Variants in VCAN observed in about 807,000 individuals in gnomAD.
VCAN encodes versican core protein.
A neutral mutation model predicts 245.5 loss-of-function variants in VCAN; 44 were observed. The ratio of observed to expected loss-of-function variants is 0.18; its 90% confidence interval spans 0.14 to 0.23. The LOEUF is 0.23. Among genes scored for constraint, VCAN ranks in the 10% least tolerant of loss-of-function variants. The pLI, the probability that VCAN is intolerant of heterozygous loss-of-function variation, is 1.00. For synonymous variants in VCAN, 1,413 were observed against 1,437.0 expected (o/e 0.98, Z 0.38); for missense variants, 3,793 against 4,057.9 (o/e 0.93, Z 1.77).
intron 13 of VCAN, among the ~76,000 whole-genome samples, chr5:83,577,856 T>A (rs1220547547): frequency 6.6e-6 from 1 of 152,182 alleles, no homozygotes; most frequent in East Asian, 1.9e-4. Flanking sequence ...CTCTTTCTGG[T>A]CTATTTTCCT....
chr5:83,515,532 A>G (rs771461219), intron 6 of VCAN, among the ~76,000 whole-genome samples: 6 of 152,184 alleles, frequency 3.9e-5, no homozygotes, highest in Non-Finnish European at 8.8e-5. Flanking sequence ...ATTGTTGATC[A>G]CAATTGTTTA....
At chr5:83,571,653 AT>A (rs1300648791) in intron 12 of VCAN, among the ~76,000 whole-genome samples, 2 of 152,170 alleles carry the variant, frequency 1.3e-5, no homozygotes, top group African/African-American at 4.8e-5. Context: ...CACAAAAAAA[AT>A]CTGTAATAAG....
rs527279761 is a variant in VCAN at position 83,473,893 on chromosome 5, A to G, written c.-7+1870A>G. On this transcript the variant is annotated intron_variant, in intron 1 of 14. Coordinates refer to ENST00000265077, the MANE Select transcript of VCAN (RefSeq NM_004385.5). ...CATCTAGGAGTTTGGAGGACCCTGA[A>G]AAAAGGTCTTGGTCTGTGCAAAGTG... 5.3e-5 allele frequency among the ~76,000 whole-genome samples: 8 copies of G among 152,260 alleles called. No individual in the cohort carries two copies. The East Asian group carries it at 1.2e-3, about 22-fold the overall frequency.
chr5:83,530,909 TA>T (rs1746495360), intron 7 of VCAN, among the ~76,000 whole-genome samples: 1 of 152,102 alleles, frequency 6.6e-6, no homozygotes, highest in South Asian at 2.1e-4. Context: ...TTGATTACAT[TA>T]AAAATCGTGT....
Position 83,521,242 on chromosome 5 carries a change from C to T in VCAN, c.2936C>T (p.Pro979Leu). 6.2e-7 allele frequency: 1 copy of T among 1,614,042 alleles called. No individual in the cohort carries two copies. The highest frequency in any genetic ancestry group is 8.5e-7 in the Non-Finnish European group (1 of 1,179,924). ...CATACCATTCCTCTTTCTGTAATTCCCAAGACAGACTGGGGAGTGTTAGTA... is the reference window on the plus strand; with the variant it reads ...CATACCATTCCTCTTTCTGTAATTCTCAAGACAGACTGGGGAGTGTTAGTA... Reference protein sequence around the residue: ...SSHTIPLSVIPKTDWGVLVPS... With the variant: ...SSHTIPLSVILKTDWGVLVPS... The change falls in exon 7 of 15, where the codon CCC (proline) becomes CTC (leucine). Residue 979 changes from proline to leucine, a missense_variant. Around this residue, in one of 5 missense-constraint regions of VCAN, gnomAD observed 3,182 missense variants for 3,250.3 expected, o/e 0.98. Transcript: ENST00000265077.
intron 12 of VCAN, among the ~76,000 whole-genome samples, chr5:83,571,192 CCA>C (rs1748275170): frequency 6.6e-6 from 1 of 152,124 alleles, no homozygotes; most frequent in African/African-American, 2.4e-5. Context: ...TTGTCTCATA[CCA>C]CATTCTAGTT....
rs772488314 is a variant in VCAN at position 83,521,824 on chromosome 5, C to T, written c.3518C>T (p.Thr1173Ile). 3.7e-6 allele frequency: 6 copies of T among 1,614,044 alleles called. No individual in the cohort carries two copies. The African/African-American group carries it at 6.7e-5, about 18-fold the overall frequency. ...QLMEETTTEK[T>I]SLEDIDLGSG... ...ATGGAAGAAACCACTACTGAGAAAA[C>T]ATCCCTAGAGGATATTGATTTAGGC... Residue 1173 changes from threonine to isoleucine, a missense_variant, in exon 7 of 15, where the codon ACA (threonine) becomes ATA (isoleucine). Physicochemically the swap from Thr to Ile is moderately conservative, Grantham distance 89. This residue lies in a region of VCAN where 3,182 missense variants were observed against 3,250.3 expected (regional missense o/e 0.98). Transcript: ENST00000265077.
In VCAN at chr5:83,519,493, C is replaced by T. The variant is rs1745987428; in HGVS notation, c.1187C>T (p.Pro396Leu). 2 of 1,614,118 alleles carry T rather than the reference C, an allele frequency of 1.2e-6. No individual in the cohort carries two copies. Among genetic ancestry groups the T allele is most frequent in the East Asian group, 4.5e-5 (2 of 44,878 alleles). Reference protein sequence around the residue: ...DELPVIPTEFPPVGNIVSFEQ... With the variant: ...DELPVIPTEFLPVGNIVSFEQ... ...TTACCTGTCATTCCAACAGAGTTCC[C>T]TCCCGTGGGAAATATTGTCAGTTTT... The change falls in exon 7 of 15, where the codon CCT becomes CTT. Residue 396 changes from proline to leucine, a missense_variant. By Grantham distance (98) the Pro-to-Leu change is moderately conservative. This residue lies in a region of VCAN where 3,182 missense variants were observed against 3,250.3 expected (regional missense o/e 0.98). Coordinates refer to ENST00000265077, the MANE Select transcript of VCAN (RefSeq NM_004385.5).
intron 1 of VCAN, among the ~76,000 whole-genome samples, chr5:83,483,201 T>C (rs1744671420): frequency 6.6e-6 from 1 of 152,242 alleles, no homozygotes; most frequent in Non-Finnish European, 1.5e-5. Flanking sequence ...TCTGTTGTTC[T>C]TCATACAGCC....
intron 9 of VCAN, among the ~76,000 whole-genome samples, chr5:83,546,178 G>T (rs1454074391): frequency 6.6e-6 from 1 of 151,392 alleles, no homozygotes; most frequent in African/African-American, 2.4e-5. Flanking sequence ...CTCTCTTTTG[G>T]TTCCAAGGAA....
intron 13 of VCAN, among the ~76,000 whole-genome samples, chr5:83,574,879 G>A (rs867248173): frequency 1.6e-4 from 24 of 152,222 alleles, no homozygotes; most frequent in Middle Eastern, 6.8e-3. Flanking sequence ...TTTTAAAAGC[G>A]AATTTTTTAA....
intron 12 of VCAN, among the ~76,000 whole-genome samples, chr5:83,564,797 A>G (rs1273783466): frequency 1.3e-5 from 2 of 150,300 alleles, no homozygotes; most frequent in African/African-American, 4.8e-5. Context: ...TTTGAAGTTC[A>G]GTAAGTTCTC....
At chr5:83,495,170 TAA>T (rs1745117956) in intron 5 of VCAN, among the ~76,000 whole-genome samples, 1 of 152,204 alleles carries the variant, frequency 6.6e-6, no homozygotes, top group Non-Finnish European at 1.5e-5. Context: ...TTCTTATGTT[TAA>T]AATGAGGAGG....
At chr5:83,578,168 C>T (rs990670322) in intron 13 of VCAN, among the ~76,000 whole-genome samples, 7 of 152,072 alleles carry the variant, frequency 4.6e-5, no homozygotes, top group African/African-American at 1.4e-4. Flanking sequence ...GGAATGAGAT[C>T]ATGTCCCTTG....
At chr5:83,472,622 C>G (rs1484635453) in intron 1 of VCAN, among the ~76,000 whole-genome samples, 1 of 152,112 alleles carries the variant, frequency 6.6e-6, no homozygotes, top group Non-Finnish European at 1.5e-5. Context: ...CCCTTCAGAC[C>G]GCAGGCAGTC....
chr5:83,512,520 A>C, intron 6 of VCAN, 124 bp downstream of exon 6: 1 of 1,238,996 alleles, frequency 8.1e-7, no homozygotes, highest in Non-Finnish European at 1.1e-6. Flanking sequence ...GAATGGAAAC[A>C]GTTCAGTGAT....
chr5:83,540,538 A>G lies in VCAN; in HGVS notation c.7535A>G (p.Tyr2512Cys). 11 of 1,614,008 alleles carry G rather than the reference A, an allele frequency of 6.8e-6. No individual in the cohort carries two copies. The highest frequency in any genetic ancestry group is 9.3e-6 in the Non-Finnish European group (11 of 1,179,962). Residue 2512 changes from tyrosine (Y) to cysteine (C), a missense_variant, in exon 8 of 15, where the codon TAT becomes TGT. Around this residue, in one of 5 missense-constraint regions of VCAN, gnomAD observed 3,182 missense variants for 3,250.3 expected, o/e 0.98. Transcript: ENST00000265077. ...AGCACACTGTCAAATACAGTGTCAT[A>G]TGAGAGGTCCACAGACGGTAGTTTC... ...PTSTLSNTVSYERSTDGSFQD... is the reference protein window; with the variant it reads ...PTSTLSNTVSCERSTDGSFQD...
chr5:83,545,624 G>C lies in VCAN; in HGVS notation c.9353G>C (p.Gly3118Ala). 6.2e-7 allele frequency: 1 copy of C among 1,614,116 alleles called. No individual in the cohort carries two copies. The highest frequency in any genetic ancestry group is 1.1e-5 in the South Asian group (1 of 91,086). Residue 3118 changes from glycine (G) to alanine (A), a missense_variant, in exon 9 of 15, where the codon GGA becomes GCA. Physicochemically the swap from Gly to Ala is moderately conservative, Grantham distance 60. Transcript: ENST00000265077. ...ETSYVCTCVP[G>A]YSGDQCELDF... ...TCCTACGTATGCACCTGTGTGCCAG[G>C]ATACAGCGGAGACCAGTGTGAACTT...
intron 1 of VCAN, among the ~76,000 whole-genome samples, chr5:83,474,453 A>G (rs1310699976): frequency 6.6e-6 from 1 of 152,066 alleles, no homozygotes; most frequent in South Asian, 2.1e-4. Context: ...GAAGGGTGGG[A>G]AAGAACTAGA....
Sources: allele counts gnomAD v4.1 joint callset (sites outside exome capture counted in the v4.1 genomes callset), GRCh38; gene constraint gnomAD v4.1.1; regional missense constraint gnomAD v4.1.1; transcripts MANE v1.5; gene names NCBI Gene and HGNC (gene_info 2026-07-23, HGNC 2026-07-21).